PKIB: variants seen among roughly 807,000 people sequenced by gnomAD.
PKIB encodes the protein cAMP-dependent protein kinase inhibitor beta, also known as PKI-beta.
PKIB carries 2 observed loss-of-function variants against 4.5 expected under a neutral mutation model. The observed-to-expected ratio is 0.44, with a 90% CI of 0.18 to 1.39. The LOEUF (loss-of-function observed/expected upper bound fraction) is 1.39. Ranked by LOEUF, PKIB falls within the 40% of genes most tolerant of loss-of-function variation. The pLI is 0.27. For synonymous variants in PKIB, 38 were observed against 36.0 expected, an observed-to-expected ratio of 1.06 and a Z score of -0.20; for missense variants, 94 against 92.6, an observed-to-expected ratio of 1.02 and a Z score of -0.06.
intron 3 of PKIB, among the ~76,000 whole-genome samples, chr6:122,687,533 G>A (rs551834191): frequency 2.0e-5 from 3 of 152,208 alleles, no homozygotes; most frequent in African/African-American, 7.2e-5. Context: ...CATAGGGACT[G>A]TATTTAATCT....
intron 2 of PKIB, among the ~76,000 whole-genome samples, chr6:122,579,156 T>A (rs1452365278): frequency 6.6e-6 from 1 of 152,038 alleles, no homozygotes; most frequent in Non-Finnish European, 1.5e-5. Flanking sequence ...TACTCAGGAG[T>A]TCAAGGTTGC....
At chr6:122,638,918 CT>C (rs1266174316) in intron 2 of PKIB, among the ~76,000 whole-genome samples, 5 of 152,142 alleles carry the variant, frequency 3.3e-5, no homozygotes, top group Non-Finnish European at 5.9e-5. Flanking sequence ...CAGAATAGAC[CT>C]TAGCTCTAAT....
At chr6:122,713,313 C>CTAG (rs1779347261) in intron 3 of PKIB, among the ~76,000 whole-genome samples, 2 of 151,884 alleles carry the variant, frequency 1.3e-5, no homozygotes, top group Non-Finnish European at 1.5e-5. Flanking sequence ...TGTTAATTCT[C>CTAG]TAGAAGAGAA....
intron 3 of PKIB, among the ~76,000 whole-genome samples, chr6:122,705,856 G>A (rs1360174985): frequency 1.3e-5 from 2 of 152,070 alleles, no homozygotes; most frequent in East Asian, 3.9e-4. Context: ...GAGCCACTGC[G>A]CCTGGCCAGA....
intron 1 of PKIB, among the ~76,000 whole-genome samples, chr6:122,473,150 CAA>C (rs1488634298): frequency 2.6e-5 from 4 of 152,110 alleles, no homozygotes; most frequent in Non-Finnish European, 4.4e-5. Flanking sequence ...ACAAACCTAA[CAA>C]TATTTTTAAT....
At chr6:122,533,078 A>G (rs1301436319) in intron 2 of PKIB, among the ~76,000 whole-genome samples, 1 of 152,114 alleles carries the variant, frequency 6.6e-6, no homozygotes, top group Non-Finnish European at 1.5e-5. Context: ...TTAACACTGT[A>G]GCAAATATAT....
At chr6:122,487,544 G>C (rs1775805233) in intron 2 of PKIB, among the ~76,000 whole-genome samples, 1 of 152,162 alleles carries the variant, frequency 6.6e-6, no homozygotes, top group Admixed American at 6.5e-5. Context: ...AGAGACTCCA[G>C]AGAGCTAACT....
At chr6:122,666,362 T>C (rs1436388363) in intron 2 of PKIB, among the ~76,000 whole-genome samples, 2 of 152,230 alleles carry the variant, frequency 1.3e-5, no homozygotes, top group Non-Finnish European at 2.9e-5. Context: ...CAAAATCATG[T>C]CCGTTTAATA....
intron 2 of PKIB, among the ~76,000 whole-genome samples, chr6:122,543,026 G>A (rs1339745381): frequency 6.6e-6 from 1 of 152,122 alleles, no homozygotes; most frequent in Non-Finnish European, 1.5e-5. Context: ...CCAGGTGTGG[G>A]ATATAATCTC....
At chr6:122,631,140 A>G (rs1300578420) in intron 1 of PKIB, among the ~76,000 whole-genome samples, 2 of 152,212 alleles carry the variant, frequency 1.3e-5, no homozygotes, top group Admixed American at 6.5e-5. Context: ...TCTTTCATTT[A>G]AAACTCTACA....
intron 3 of PKIB, among the ~76,000 whole-genome samples, chr6:122,689,666 G>T (rs1415169835): frequency 6.6e-6 from 1 of 152,130 alleles, no homozygotes; most frequent in East Asian, 1.9e-4. Flanking sequence ...TTGTTCTGTG[G>T]TCTAACATAT....
intron 2 of PKIB, among the ~76,000 whole-genome samples, chr6:122,486,227 C>A (rs1305697167): frequency 6.6e-6 from 1 of 152,120 alleles, no homozygotes; most frequent in Non-Finnish European, 1.5e-5. Flanking sequence ...AGTCTTGAGT[C>A]CAGTTTCATC....
At chr6:122,639,139 A>G (rs1156609852) in intron 2 of PKIB, among the ~76,000 whole-genome samples, 1 of 152,214 alleles carries the variant, frequency 6.6e-6, no homozygotes, top group Admixed American at 6.5e-5. Context: ...TCAAACAAGC[A>G]TAACCCTAAA....
At chr6:122,662,279 T>TTC (rs1777024262) in intron 2 of PKIB, among the ~76,000 whole-genome samples, 1 of 146,170 alleles carries the variant, frequency 6.8e-6, no homozygotes, top group Non-Finnish European at 1.5e-5. Flanking sequence ...CAAGGTCTCT[T>TTC]TCTCTCTCCT....
At chr6:122,626,489 G>A (rs1048555536) in intron 1 of PKIB, among the ~76,000 whole-genome samples, 1 of 152,142 alleles carries the variant, frequency 6.6e-6, no homozygotes, top group African/African-American at 2.4e-5. Flanking sequence ...GTCATAAGAA[G>A]AATGATTTTG....
At chr6:122,611,655 C>A (rs776963530) in intron 1 of PKIB, among the ~76,000 whole-genome samples, 2 of 152,220 alleles carry the variant, frequency 1.3e-5, no homozygotes, top group Non-Finnish European at 2.9e-5. Context: ...TATCTCTTCA[C>A]AAGATGCCTT....
intron 3 of PKIB, among the ~76,000 whole-genome samples, chr6:122,593,748 A>T (rs1440171265): frequency 6.6e-6 from 1 of 152,208 alleles, no homozygotes; most frequent in East Asian, 1.9e-4. Context: ...TTATATGAAA[A>T]TTTAGACATA....
chr6:122,565,072 G>A (rs1773145049), intron 2 of PKIB, among the ~76,000 whole-genome samples: 2 of 152,138 alleles, frequency 1.3e-5, no homozygotes, highest in Admixed American at 6.5e-5. Flanking sequence ...TAGCTTAATG[G>A]TTTGTAAGTG....
At chr6:122,577,714 C>T (rs1237264669) in intron 2 of PKIB, among the ~76,000 whole-genome samples, 2 of 151,948 alleles carry the variant, frequency 1.3e-5, no homozygotes, top group Non-Finnish European at 2.9e-5. Context: ...TCGAGACCAT[C>T]CTGGCTAACA....
Sources: gnomAD v4.1 joint callset for allele counts (sites outside exome capture counted in the v4.1 genomes callset) on GRCh38, gnomAD v4.1.1 for gene constraint, MANE v1.5 for transcripts, NCBI Gene and HGNC (gene_info 2026-07-23, HGNC 2026-07-21) for gene names.